The following RNF220 variants were observed in gnomAD, a reference collection of about 807,000 sequenced individuals.
RNF220 encodes ring finger protein 220, also known as E3 ubiquitin-protein ligase RNF220.
In RNF220, 7 loss-of-function variants were observed where a neutral mutation model predicts 67.1. That is an observed-to-expected ratio of 0.10 (90% CI 0.06 to 0.20). The LOEUF (loss-of-function observed/expected upper bound fraction) is 0.20. Among genes scored for constraint, RNF220 ranks in the 10% least tolerant of loss-of-function variants. The pLI is 1.00. For synonymous variants in RNF220, 270 were observed against 283.2 expected (o/e 0.95, Z 0.47); for missense variants, 565 against 740.3 (o/e 0.76, Z 2.75).
intron 2 of RNF220, among the ~76,000 whole-genome samples, chr1:44,573,484 C>T (rs563490726): frequency 7.9e-5 from 12 of 152,140 alleles, no homozygotes; most frequent in African/African-American, 2.9e-4. Context: ...TAGCAGTGGG[C>T]ATCATGGAAA....
chr1:44,424,030 C>T (rs1413833976), intron 2 of RNF220: 3 of 985,128 alleles, frequency 3.0e-6, no homozygotes, highest in African/African-American at 1.7e-5. Flanking sequence ...TCTACATCCA[C>T]GAACATTTCC....
intron 2 of RNF220, among the ~76,000 whole-genome samples, chr1:44,568,929 A>G (rs557109762): frequency 1.6e-4 from 24 of 152,208 alleles, no homozygotes; most frequent in African/African-American, 5.1e-4. Flanking sequence ...TGGGTCTGGG[A>G]GCTCAGCAAA....
Position 44,651,102 on chromosome 1 carries a change from G to C in RNF220, c.*327G>C, listed in dbSNP as rs954654653. ...CTAAGATCCAGCCCCCATACTGACAGACGGACAGACAGACATGCAAACACC... is the reference window on the plus strand; with the variant it reads ...CTAAGATCCAGCCCCCATACTGACACACGGACAGACAGACATGCAAACACC... On this transcript the variant is annotated 3_prime_UTR_variant, in exon 15 of 15. Transcript: ENST00000361799. The C allele has an allele frequency of 4.9e-6, 2 of 407,186 alleles. No homozygotes were observed. Among genetic ancestry groups the C allele is most frequent in the Non-Finnish European group, 9.4e-6 (2 of 213,898 alleles). The allele number at this position is 407,186 out of a possible 1,614,324, so 25.2% of individuals were successfully genotyped here. A position where few individuals can be genotyped will look rare whatever the true frequency, so the allele number is the denominator to read the frequency against.
chr1:44,632,125 G>C (rs1473927810), intron 5 of RNF220: 1 of 1,508,710 alleles, frequency 6.6e-7, no homozygotes, highest in South Asian at 1.2e-5. Context: ...CAGCGGCCAC[G>C]GGGTCCCGTT....
At position 44,649,760 on chromosome 1, in the gene RNF220, C is replaced by G; in HGVS notation, c.1545C>G (p.Leu515=). 6.2e-7 allele frequency: 1 copy of G among 1,614,008 alleles called. No individual in the cohort carries two copies. The highest frequency in any genetic ancestry group is 8.5e-7 in the Non-Finnish European group (1 of 1,179,920). The change falls in exon 13 of 15, where the codon CTC becomes CTG. Residue 515 remains leucine (L), a synonymous_variant. Coordinates refer to ENST00000361799, the MANE Select transcript of RNF220 (RefSeq NM_018150.4). The surrounding 1 kb of genome is among the most constrained non-coding windows in gnomAD (Gnocchi z 5.9). ...QLSRGDRYKC[L]ICMDSYSMPL... ...CTCGTGGGGACCGTTACAAATGCCT[C>G]ATCTGCATGGTGAGTAGAAAAGAAC...
At chr1:44,605,211 A>G (rs1667186024) in intron 2 of RNF220, among the ~76,000 whole-genome samples, 1 of 151,492 alleles carries the variant, frequency 6.6e-6, no homozygotes, top group South Asian at 2.1e-4. Flanking sequence ...AGGCAGGATA[A>G]TCACTTGAAC....
At chr1:44,598,878 T>C (rs904217557) in intron 2 of RNF220, among the ~76,000 whole-genome samples, 2 of 152,202 alleles carry the variant, frequency 1.3e-5, no homozygotes, top group Non-Finnish European at 2.9e-5. Context: ...CAAGGCTTCA[T>C]TTAAGCAAAA....
At chr1:44,497,984 C>T (rs1657498013) in intron 2 of RNF220, among the ~76,000 whole-genome samples, 1 of 152,172 alleles carries the variant, frequency 6.6e-6, no homozygotes, top group African/African-American at 2.4e-5. Flanking sequence ...AAGCAAAAAC[C>T]AGTGGGGAAA....
chr1:44,558,800 C>T (rs932222715), intron 2 of RNF220, among the ~76,000 whole-genome samples: 1 of 152,162 alleles, frequency 6.6e-6, no homozygotes, highest in Non-Finnish European at 1.5e-5. Flanking sequence ...GTTATAGCCC[C>T]GGTGAAAGAG....
At chr1:44,605,224 A>C (rs530343577) in intron 2 of RNF220, among the ~76,000 whole-genome samples, 16 of 150,152 alleles carry the variant, frequency 1.1e-4, no homozygotes, top group African/African-American at 3.9e-4. Flanking sequence ...ACTTGAACGC[A>C]GGAGGCAGAG....
At position 44,412,567 on chromosome 1, in the gene RNF220, A is replaced by G. The variant is rs1342351942; in HGVS notation, c.470A>G (p.Asp157Gly). The G allele has an allele frequency of 1.9e-6, 3 of 1,614,070 alleles. No homozygotes were observed. The highest frequency in any genetic ancestry group is 2.2e-5 in the East Asian group (1 of 44,896). ...GAGTCTCCCCACTTGCGCTTCTCAGATGCAGATGGCAAGGAATATGACTTT... is the reference window on the plus strand; with the variant it reads ...GAGTCTCCCCACTTGCGCTTCTCAGGTGCAGATGGCAAGGAATATGACTTT... ...DTESPHLRFS[D>G]ADGKEYDFGT... is the part of the protein sequence containing the mutation. Residue 157 changes from aspartate (D) to glycine (G), a missense_variant, in exon 2 of 15, where the codon GAT (aspartate) becomes GGT (glycine). Physicochemically the swap from Asp to Gly is moderately conservative, Grantham distance 94. Coordinates refer to ENST00000361799, the MANE Select transcript of RNF220 (RefSeq NM_018150.4). The surrounding 1 kb of genome is among the most constrained non-coding windows in gnomAD (Gnocchi z 5.3).
chr1:44,407,749 CCCGCGCCGGT>C (rs1265667583), intron 1 of RNF220, among the ~76,000 whole-genome samples: 1 of 152,192 alleles, frequency 6.6e-6, no homozygotes, highest in East Asian at 1.9e-4. Flanking sequence ...GCCCGGCAGC[CCCGCGCCGGT>C]CCGTATTTGC....
chr1:44,562,013 G>A (rs146266660), intron 2 of RNF220, among the ~76,000 whole-genome samples: 1 of 152,076 alleles, frequency 6.6e-6, no homozygotes, highest in Non-Finnish European at 1.5e-5. Context: ...CTAATTTAAA[G>A]CTAACTCCTT....
At position 44,616,059 on chromosome 1, in the gene RNF220, G is replaced by T. The variant is rs1312888137; in HGVS notation, c.758+1762G>T. On this transcript the variant is annotated intron_variant, in intron 3 of 14. Coordinates refer to ENST00000361799, the MANE Select transcript of RNF220 (RefSeq NM_018150.4). ...GAGGCCTCAGTTCCCCCACATGTGG[G>T]TCTCTGCATAGGACAGCTTGAATTT... is the stretch of plus-strand genomic sequence containing the variant. Among the ~76,000 whole-genome samples, 2 of 152,298 alleles carry T rather than the reference G, an allele frequency of 1.3e-5. 1 individual carries two copies. The highest frequency in any genetic ancestry group is 6.8e-3 in the Middle Eastern group (2 of 294).
chr1:44,584,475 C>T (rs1264366186), intron 2 of RNF220, among the ~76,000 whole-genome samples: 2 of 152,192 alleles, frequency 1.3e-5, no homozygotes, highest in African/African-American at 4.8e-5. Context: ...TGTTGATTTT[C>T]CCCTTTTATT....
In RNF220 at chr1:44,405,370, G is replaced by A; in HGVS notation, c.-278G>A. The A allele has an allele frequency of 1.7e-6, 1 of 584,726 alleles. No homozygotes were observed. The highest frequency in any genetic ancestry group is 2.8e-5 in the Admixed American group (1 of 36,292). The allele number at this position is 584,726 out of a possible 1,614,324, so 36.2% of individuals were successfully genotyped here. A position where few individuals can be genotyped will look rare whatever the true frequency, so the allele number is the denominator to read the frequency against. On this transcript the variant is annotated 5_prime_UTR_variant, in exon 1 of 15. Coordinates refer to ENST00000361799, the MANE Select transcript of RNF220 (RefSeq NM_018150.4). ...GCTCGCGAACACAAACCCGGGGCCA[G>A]CCGCCTACTGCTGCTGCTGCTGCTG...
chr1:44,599,442 G>A (rs1666767541), intron 2 of RNF220, among the ~76,000 whole-genome samples: 1 of 152,160 alleles, frequency 6.6e-6, no homozygotes, highest in African/African-American at 2.4e-5. Context: ...GGAGGCCGAG[G>A]TGGACGGACT....
At chr1:44,529,607 C>A (rs1660674987) in intron 2 of RNF220, among the ~76,000 whole-genome samples, 1 of 152,148 alleles carries the variant, frequency 6.6e-6, no homozygotes, top group Admixed American at 6.5e-5. Flanking sequence ...AACTCCTGGC[C>A]TCAAGTAATC....
At chr1:44,637,347 G>A (rs996317689) in intron 8 of RNF220, among the ~76,000 whole-genome samples, 1 of 152,246 alleles carries the variant, frequency 6.6e-6, no homozygotes, top group African/African-American at 2.4e-5. Context: ...TCCCTGAGCC[G>A]GAGCTGGAGA....
Sources: allele counts gnomAD v4.1 joint callset (sites outside exome capture counted in the v4.1 genomes callset), GRCh38; gene constraint gnomAD v4.1.1; non-coding constraint Gnocchi (gnomAD v3.1); transcripts MANE v1.5; gene names NCBI Gene and HGNC (gene_info 2026-07-23, HGNC 2026-07-21).